Variants in ATP6V1B2 observed in about 807,000 individuals in gnomAD.
ATP6V1B2 encodes the protein V-type proton ATPase subunit B, brain isoform.
ATP6V1B2 carries 23 observed loss-of-function variants against 66.7 expected under a neutral mutation model. The ratio of observed to expected loss-of-function variants is 0.34; its 90% CI spans 0.25 to 0.49. ATP6V1B2 has a LOEUF of 0.49. Among genes scored for constraint, ATP6V1B2 ranks in the 20% least tolerant of loss-of-function variants. The pLI is 0.99. For missense variants in ATP6V1B2, 478 were observed against 650.8 expected (o/e 0.73, Z 2.89); for synonymous variants, 278 against 236.7 (o/e 1.17, Z -1.60).
At chr8:20,215,165 C>A in intron 10 of ATP6V1B2, 197 bp downstream of exon 10, 1 of 593,382 alleles carries the variant, frequency 1.7e-6, no homozygotes, top group Non-Finnish European at 2.6e-6. Flanking sequence ...CAATTTTCTT[C>A]ATAATTTAAG....
chr8:20,205,239 C>A (rs572161111), intron 2 of ATP6V1B2, among the ~76,000 whole-genome samples: 1 of 152,036 alleles, frequency 6.6e-6, no homozygotes, highest in Non-Finnish European at 1.5e-5. Flanking sequence ...CTTTTGGACT[C>A]ATTTTTAAAA....
intron 11 of ATP6V1B2, chr8:20,216,740 C>CT: frequency 5.8e-6 from 2 of 342,100 alleles, no homozygotes; most frequent in South Asian, 7.4e-5. Context: ...TCTCCAAGAA[C>CT]TTTTTTGGGA....
chr8:20,198,860 TATCTG>T (rs1163361874), intron 1 of ATP6V1B2, among the ~76,000 whole-genome samples: 5 of 152,248 alleles, frequency 3.3e-5, no homozygotes, highest in East Asian at 1.9e-4. Flanking sequence ...TGTTGGGACT[TATCTG>T]AGCTGAAGTA....
At position 20,220,670 on chromosome 8, in the gene ATP6V1B2, A is replaced by G. The variant is rs180745617; in HGVS notation, c.*268A>G. The G allele has an allele frequency of 9.1e-6, 3 of 328,638 alleles. No individual in the cohort carries two copies. Among genetic ancestry groups the G allele is most frequent in the African/African-American group, 4.3e-5 (2 of 46,032 alleles). 20.4% of individuals were successfully genotyped at this position (328,638 alleles called of 1,614,324 possible). A position where few individuals can be genotyped will look rare whatever the true frequency, so the allele number is the denominator to read the frequency against. The stretch of plus-strand genomic sequence containing the variant: ...TTTCTTATTGCTGTATGTATTGTAC[A>G]TAGTGGAGTAGTTAGTTACCTGATA... On this transcript the variant is annotated 3_prime_UTR_variant, in exon 14 of 14. Transcript: ENST00000276390.
intron 2 of ATP6V1B2, 62 bp from the exon 3 acceptor site, chr8:20,209,371 G>C: frequency 1.4e-6 from 2 of 1,468,190 alleles, no homozygotes; most frequent in Non-Finnish European, 1.9e-6. Flanking sequence ...GACAGAGCAT[G>C]TGTAGTAATT....
chr8:20,206,649 G>A (rs2072740898), intron 2 of ATP6V1B2, among the ~76,000 whole-genome samples: 1 of 152,108 alleles, frequency 6.6e-6, no homozygotes, highest in Non-Finnish European at 1.5e-5. Context: ...GTGGAGCTGG[G>A]GTGGACCACC....
chr8:20,213,046 A>G (rs1417107489), intron 9 of ATP6V1B2, 141 bp downstream of exon 9: 14 of 1,186,254 alleles, frequency 1.2e-5, no homozygotes, highest in African/African-American at 4.7e-5. Flanking sequence ...TAAATCAGAA[A>G]GGAAACTACT....
intron 1 of ATP6V1B2, among the ~76,000 whole-genome samples, chr8:20,198,614 C>G (rs531846460): frequency 6.6e-6 from 1 of 152,132 alleles, no homozygotes; most frequent in Non-Finnish European, 1.5e-5. Flanking sequence ...GGTGAGACTG[C>G]ATTTTCACTG....
intron 8 of ATP6V1B2, 96 bp downstream of exon 8, chr8:20,212,295 G>T: frequency 8.7e-7 from 1 of 1,152,856 alleles, no homozygotes; most frequent in Admixed American, 2.0e-5. Flanking sequence ...ACAGCATTTG[G>T]ACCTAACAAT....
In ATP6V1B2 at chr8:20,218,021, T is replaced by C. The variant is rs956203827; in HGVS notation, c.1267-132T>C. 7 of 1,228,588 alleles carry C rather than the reference T, an allele frequency of 5.7e-6. No individual in the cohort carries two copies. The African/African-American group carries it at 1.1e-4, about 19-fold the overall frequency. 76.1% of individuals were successfully genotyped at this position (1,228,588 alleles called of 1,614,324 possible). On this transcript the variant is annotated intron_variant, in intron 12 of 13. Transcript: ENST00000276390. ...CCTTCTGGTACTTTCATATGAATTT[T>C]ATGTGAATTGTTTTTGTAAATTCCT...
intron 3 of ATP6V1B2, 140 bp downstream of exon 3, chr8:20,209,671 A>G (rs1223664722): frequency 2.6e-6 from 2 of 781,790 alleles, no homozygotes; most frequent in African/African-American, 1.8e-5. Context: ...GAAAGAAACT[A>G]TTATTGCATG....
At chr8:20,200,883 C>G (rs1447185776) in intron 1 of ATP6V1B2, among the ~76,000 whole-genome samples, 1 of 152,182 alleles carries the variant, frequency 6.6e-6, no homozygotes, top group Non-Finnish European at 1.5e-5. Context: ...GATGATTGCT[C>G]TGGGTTTTTG....
chr8:20,210,467 G>A (rs757071757), intron 4 of ATP6V1B2, 28 bp downstream of exon 4: 23 of 1,608,426 alleles, frequency 1.4e-5, no homozygotes, highest in South Asian at 5.5e-5. Flanking sequence ...ATTCTAAGCC[G>A]AGATCTGTTT....
intron 10 of ATP6V1B2, 145 bp from the exon 11 acceptor site, chr8:20,216,268 A>G (rs2072853364): frequency 1.6e-6 from 1 of 630,162 alleles, no homozygotes; most frequent in African/African-American, 1.8e-5. Context: ...GCAGCATCAC[A>G]GAAAATGACT....
chr8:20,220,055 A>G (rs2072892905), intron 13 of ATP6V1B2, among the ~76,000 whole-genome samples: 1 of 152,098 alleles, frequency 6.6e-6, no homozygotes, highest in Non-Finnish European at 1.5e-5. Context: ...GTCTCAGCCC[A>G]GCCGCCTCTT....
chr8:20,204,198 G>C, intron 1 of ATP6V1B2: 1 of 416,926 alleles, frequency 2.4e-6, no homozygotes, highest in Non-Finnish European at 4.5e-6. Context: ...CTGAACTTTT[G>C]AGACAAGCAG....
chr8:20,204,084 G>A (rs1461156091), intron 1 of ATP6V1B2: 1 of 447,780 alleles, frequency 2.2e-6, no homozygotes, highest in Non-Finnish European at 4.4e-6. Context: ...TCTCCCTGAG[G>A]TGAGAACTAT....
chr8:20,198,558 T>C (rs1323463312), intron 1 of ATP6V1B2, among the ~76,000 whole-genome samples: 1 of 152,182 alleles, frequency 6.6e-6, no homozygotes, highest in Non-Finnish European at 1.5e-5. Context: ...GCCCTCGAAA[T>C]AGACTTTTTA....
intron 2 of ATP6V1B2, among the ~76,000 whole-genome samples, chr8:20,208,304 A>G (rs2128885377): frequency 6.6e-6 from 1 of 152,312 alleles, no homozygotes; most frequent in South Asian, 2.1e-4. Context: ...GCTGAATGAA[A>G]GGTAGTGTAG....
Sources: allele counts gnomAD v4.1 joint callset (sites outside exome capture counted in the v4.1 genomes callset), GRCh38; gene constraint gnomAD v4.1.1; transcripts MANE v1.5; gene names NCBI Gene and HGNC (gene_info 2026-07-23, HGNC 2026-07-21).